NRCAM: variants seen among roughly 807,000 people sequenced by gnomAD.
NRCAM encodes the protein NgCAM-related cell adhesion molecule.
Under a neutral mutation model 156.5 loss-of-function variants are expected in NRCAM, and 83 were observed. The ratio of observed to expected loss-of-function variants is 0.53; its 90% CI spans 0.44 to 0.64. NRCAM has a LOEUF of 0.64. NRCAM is among the 30% of genes least tolerant of loss of function. The pLI is 0.00. For missense variants in NRCAM, 1,417 were observed against 1,597.3 expected (o/e 0.89, Z 1.92); for synonymous variants, 538 against 563.9 (o/e 0.95, Z 0.65).
intron 2 of NRCAM, among the ~76,000 whole-genome samples, chr7:108,328,141 C>T (rs532559884): frequency 1.9e-4 from 29 of 152,234 alleles, no homozygotes; most frequent in African/African-American, 7.0e-4. Flanking sequence ...ATATTCAAAC[C>T]ATATCTGTCA....
chr7:108,365,027 C>G (rs1279340424), intron 2 of NRCAM, among the ~76,000 whole-genome samples: 1 of 152,084 alleles, frequency 6.6e-6, no homozygotes, highest in Non-Finnish European at 1.5e-5. Context: ...GACAGCCAGC[C>G]CCTACATTAC....
intron 28 of NRCAM, among the ~76,000 whole-genome samples, chr7:108,171,982 A>G (rs2058615317): frequency 6.6e-6 from 1 of 152,236 alleles, no homozygotes; most frequent in African/African-American, 2.4e-5. Flanking sequence ...CTGATCCTCA[A>G]TGCTCTTCTC....
chr7:108,305,608 G>C (rs1480678888), intron 3 of NRCAM, among the ~76,000 whole-genome samples: 2 of 151,980 alleles, frequency 1.3e-5, no homozygotes, highest in African/African-American at 4.8e-5. Context: ...TTCCTCCTAT[G>C]GCCTTTCCTT....
chr7:108,372,112 G>A (rs1486156672), intron 2 of NRCAM, among the ~76,000 whole-genome samples: 1 of 152,046 alleles, frequency 6.6e-6, no homozygotes, highest in Non-Finnish European at 1.5e-5. Context: ...AATTCACAAT[G>A]GGGCAAGAAT....
chr7:108,300,144 C>T (rs1020005607), intron 3 of NRCAM, among the ~76,000 whole-genome samples: 3 of 146,626 alleles, frequency 2.0e-5, no homozygotes, highest in African/African-American at 7.8e-5. Context: ...GTAATCCTTC[C>T]CCAAATTTCT....
At chr7:108,381,841 G>GT (rs996155925) in intron 2 of NRCAM, among the ~76,000 whole-genome samples, 79 of 152,218 alleles carry the variant, frequency 5.2e-4, no homozygotes, top group Middle Eastern at 3.4e-3. Flanking sequence ...GATTACAGCC[G>GT]TGAGTCACTG....
intron 1 of NRCAM, among the ~76,000 whole-genome samples, chr7:108,416,853 T>A (rs1409991300): frequency 6.6e-6 from 1 of 152,216 alleles, no homozygotes; most frequent in African/African-American, 2.4e-5. Context: ...AACCCTTCTA[T>A]CAAACAGCAC....
At chr7:108,450,271 T>TA (rs894276959) in intron 1 of NRCAM, among the ~76,000 whole-genome samples, 9 of 149,170 alleles carry the variant, frequency 6.0e-5, no homozygotes, top group Non-Finnish European at 1.3e-4. Context: ...TTTTTTTTTT[T>TA]ATCTTCACTA....
chr7:108,209,478 A>G lies in NRCAM; in HGVS notation c.1018T>C (p.Cys340Arg). 6.2e-7 allele frequency: 1 copy of G among 1,611,376 alleles called. No homozygotes were observed. Among genetic ancestry groups the G allele is most frequent in the East Asian group, 2.2e-5 (1 of 44,754 alleles). Residue 340 changes from cysteine (C) to arginine (R), a missense_variant, in exon 12 of 33, where the codon TGT becomes CGT. Cys to Arg is a radical substitution (Grantham distance 180). Coordinates refer to ENST00000379028, the MANE Select transcript of NRCAM (RefSeq NM_001037132.4). ...VSEADSGNYQ[C>R]IAKNALGAIH... Reference sequence around the variant, plus strand: ...GCTCCTAATGCGTTTTTTGCTATACATTGGTAATTTCCAGAGTCTGCTTCT... The same window carrying G: ...GCTCCTAATGCGTTTTTTGCTATACGTTGGTAATTTCCAGAGTCTGCTTCT...
intron 2 of NRCAM, among the ~76,000 whole-genome samples, chr7:108,336,117 G>A (rs12539530): frequency 0.29 from 43,696 of 151,900 alleles, 6,790 homozygotes; most frequent in East Asian, 0.56. Context: ...TCAGGATTTT[G>A]CTGACCTTAT....
chr7:108,248,377 G>GT (rs1337676699), intron 3 of NRCAM, among the ~76,000 whole-genome samples: 1 of 151,998 alleles, frequency 6.6e-6, no homozygotes, highest in Non-Finnish European at 1.5e-5. Flanking sequence ...ACCAGTTAGG[G>GT]TAGGGACGCA....
At chr7:108,173,477 G>C (rs1416350724) in intron 28 of NRCAM, among the ~76,000 whole-genome samples, 1 of 152,234 alleles carries the variant, frequency 6.6e-6, no homozygotes, top group East Asian at 1.9e-4. Context: ...AAGGGAAATA[G>C]TGAAGAGGAT....
At chr7:108,360,809 A>G (rs1406926997) in intron 2 of NRCAM, among the ~76,000 whole-genome samples, 1 of 152,242 alleles carries the variant, frequency 6.6e-6, no homozygotes, top group Non-Finnish European at 1.5e-5. Flanking sequence ...GAATGAAGTT[A>G]GAACCCTACC....
At chr7:108,220,932 T>C (rs1300868357) in intron 11 of NRCAM, among the ~76,000 whole-genome samples, 1 of 151,968 alleles carries the variant, frequency 6.6e-6, no homozygotes, top group Non-Finnish European at 1.5e-5. Flanking sequence ...TGGGAGGAAA[T>C]CTTCACAATC....
At chr7:108,320,534 G>A (rs2098988980) in intron 2 of NRCAM, among the ~76,000 whole-genome samples, 1 of 151,354 alleles carries the variant, frequency 6.6e-6, no homozygotes, top group Admixed American at 6.6e-5. Context: ...CAGCCTGGGT[G>A]AGAAAGCAAG....
chr7:108,425,499 A>G (rs756712614), intron 1 of NRCAM, among the ~76,000 whole-genome samples: 1 of 152,170 alleles, frequency 6.6e-6, no homozygotes, highest in Non-Finnish European at 1.5e-5. Context: ...TTCAGGTTCA[A>G]AATCATAGTG....
At chr7:108,444,977 T>C (rs892187143) in intron 1 of NRCAM, among the ~76,000 whole-genome samples, 2 of 152,188 alleles carry the variant, frequency 1.3e-5, no homozygotes, top group African/African-American at 2.4e-5. Flanking sequence ...CAACTGTATA[T>C]ACAAACCTGC....
intron 2 of NRCAM, among the ~76,000 whole-genome samples, chr7:108,389,194 T>C (rs950522660): frequency 9.2e-5 from 14 of 152,378 alleles, no homozygotes; most frequent in African/African-American, 3.4e-4. Flanking sequence ...TCCATGAGCA[T>C]GAAATGTTCT....
chr7:108,410,563 G>T (rs1281517644), intron 1 of NRCAM, among the ~76,000 whole-genome samples: 1 of 152,176 alleles, frequency 6.6e-6, no homozygotes, highest in Admixed American at 6.5e-5. Context: ...GGTAGGGACT[G>T]GGCCTTGATC....
Sources: allele counts gnomAD v4.1 joint callset (sites outside exome capture counted in the v4.1 genomes callset), GRCh38; gene constraint gnomAD v4.1.1; transcripts MANE v1.5; gene names NCBI Gene and HGNC (gene_info 2026-07-23, HGNC 2026-07-21).